The following PCDHA2 variants were observed in gnomAD, a reference collection of about 807,000 sequenced individuals.
The protein encoded by PCDHA2 is protocadherin alpha-2.
Under a neutral mutation model 66.0 loss-of-function variants are expected in PCDHA2, and 58 were observed. The ratio of observed to expected loss-of-function variants is 0.88; its 90% CI spans 0.71 to 1.09. PCDHA2 has a LOEUF of 1.09. Among genes scored for constraint, PCDHA2 ranks in the 50% least tolerant of loss-of-function variants. The pLI is 0.00. For synonymous variants in PCDHA2, 634 were observed against 554.0 expected, an observed-to-expected ratio of 1.14 and a Z score of -2.03; for missense variants, 1,267 against 1,242.3, an observed-to-expected ratio of 1.02 and a Z score of -0.30.
chr5:140,957,879 G>T (rs2095393633), intron 1 of PCDHA2, among the ~76,000 whole-genome samples: 1 of 151,960 alleles, frequency 6.6e-6, no homozygotes, highest in Non-Finnish European at 1.5e-5. Flanking sequence ...GTGCTGAAAA[G>T]CTGAAGTTGG....
chr5:140,937,911 C>CAA lies in PCDHA2; in HGVS notation c.2389-41023_2389-41022dup, dbSNP rs200797202. On this transcript the variant is annotated intron_variant, in intron 1 of 3. Transcript: ENST00000526136. Reference sequence around the variant, plus strand: ...TGGGCGACAGAGTGAGACTCCGTCTCAAAAAAAAAAAAAAAAGTTTAATTT... The same window carrying CAA: ...TGGGCGACAGAGTGAGACTCCGTCTCAAAAAAAAAAAAAAAAAAGTTTAATTT... Among the ~76,000 whole-genome samples, 8 of 117,946 alleles carry CAA rather than the reference C, an allele frequency of 6.8e-5. No individual in the cohort carries two copies. In the East Asian group the frequency reaches 1.1e-3, roughly 17 times the overall value. The allele number at this position is 117,946 out of a possible 152,430, so 77.4% of individuals were successfully genotyped here.
At chr5:140,870,863 G>A in intron 1 of PCDHA2, 1 of 1,613,928 alleles carries the variant, frequency 6.2e-7, no homozygotes, top group Non-Finnish European at 8.5e-7. Flanking sequence ...GTGGGTGCGG[G>A]CCACGTGGTG....
chr5:140,879,100 T>C (rs2057854721), intron 1 of PCDHA2, among the ~76,000 whole-genome samples: 1 of 152,190 alleles, frequency 6.6e-6, no homozygotes, highest in African/African-American at 2.4e-5. Context: ...CTGCACAGTA[T>C]ATGGTGTAAT....
chr5:140,822,505 T>C, intron 1 of PCDHA2: 1 of 1,613,896 alleles, frequency 6.2e-7, no homozygotes, highest in Non-Finnish European at 8.5e-7. Context: ...ATTTGATAAA[T>C]CCATTTATAA....
rs541589842 is a variant in PCDHA2, at chr5:140,964,001, A to G, written c.2389-14948A>G. Reference sequence around the variant, plus strand: ...TCTATATTCCTAATTACTGTGTTCTACTTTTTAATAGAGAGCTCTTGAAGG... The same window carrying G: ...TCTATATTCCTAATTACTGTGTTCTGCTTTTTAATAGAGAGCTCTTGAAGG... On this transcript the variant is annotated intron_variant, in intron 1 of 3. Transcript: ENST00000526136. Among the ~76,000 whole-genome samples the G allele has an allele frequency of 9.2e-5, 14 of 152,286 alleles. No homozygotes were observed. The South Asian group carries it at 2.7e-3, about 29-fold the overall frequency.
intron 1 of PCDHA2, chr5:140,927,658 C>T (rs782350503): frequency 5.0e-6 from 8 of 1,614,094 alleles, no homozygotes; most frequent in Non-Finnish European, 6.8e-6. Context: ...ATTCCGAGTT[C>T]AAGCCTTGGA....
chr5:140,831,736 C>A (rs1771682555), intron 1 of PCDHA2, among the ~76,000 whole-genome samples: 1 of 152,014 alleles, frequency 6.6e-6, no homozygotes. Flanking sequence ...TCCTCCCTTG[C>A]CTAAATTTCA....
intron 1 of PCDHA2, chr5:140,836,797 C>T: frequency 7.4e-7 from 1 of 1,343,980 alleles, no homozygotes; most frequent in Non-Finnish European, 1.0e-6. Context: ...AATTGGTCTC[C>T]TTAAATTTTC....
intron 1 of PCDHA2, among the ~76,000 whole-genome samples, chr5:140,950,482 T>C (rs1384931498): frequency 6.6e-6 from 1 of 152,106 alleles, no homozygotes; most frequent in African/African-American, 2.4e-5. Flanking sequence ...TGATGAGAAG[T>C]GTGTAGTCAT....
At position 140,808,279 on chromosome 5, in the gene PCDHA2, A is replaced by G. The variant is rs782098694; in HGVS notation, c.2388+10927A>G. On this transcript the variant is annotated intron_variant, in intron 1 of 3. Transcript: ENST00000526136. ...CACTTCCAATTAGAGAGGACGCTCC[A>G]CTGGGTACAGTCATCGCCCTGATCA... 3.7e-6 allele frequency: 6 copies of G among 1,614,130 alleles called. No individual in the cohort carries two copies. The South Asian group carries it at 5.5e-5, about 15-fold the overall frequency.
At chr5:140,878,098 A>C in intron 1 of PCDHA2, 1 of 278,310 alleles carries the variant, frequency 3.6e-6, no homozygotes, top group Non-Finnish European at 6.4e-6. Flanking sequence ...TGACTGATGA[A>C]CCTTGAAAAA....
chr5:140,868,478 A>AT (rs1444050987), intron 1 of PCDHA2: 1 of 152,364 alleles, frequency 6.6e-6, no homozygotes, highest in Admixed American at 6.5e-5. Context: ...TAAAACTTCA[A>AT]TTTTTTCTTT....
At chr5:140,967,768 T>C in intron 1 of PCDHA2, 4 of 1,614,182 alleles carry the variant, frequency 2.5e-6, no homozygotes, top group African/African-American at 1.3e-5. Flanking sequence ...ACCAGATCTA[T>C]GTGCAGGCGA....
chr5:140,980,455 C>T (rs1412427414), intron 2 of PCDHA2, among the ~76,000 whole-genome samples: 1 of 152,086 alleles, frequency 6.6e-6, no homozygotes, highest in African/African-American at 2.4e-5. Context: ...CACGGTGAAA[C>T]CCTGTCTCTA....
At chr5:140,819,845 C>T (rs1413889296) in intron 1 of PCDHA2, among the ~76,000 whole-genome samples, 2 of 151,922 alleles carry the variant, frequency 1.3e-5, no homozygotes, top group African/African-American at 2.4e-5. Context: ...GACTTTTTCT[C>T]CATTGAGTAT....
intron 1 of PCDHA2, chr5:140,802,118 CAT>C: frequency 6.2e-7 from 1 of 1,614,190 alleles, no homozygotes; most frequent in East Asian, 2.2e-5. Flanking sequence ...TAAAGGGTAA[CAT>C]AGATTTCGAG....
intron 3 of PCDHA2, among the ~76,000 whole-genome samples, chr5:141,001,942 TAAG>T (rs140166770): frequency 0.017 from 2,515 of 151,936 alleles, 63 homozygotes; most frequent in African/African-American, 0.058. Context: ...TGAGCGGAAA[TAAG>T]GAGGAGGGAG....
chr5:140,830,286 G>A (rs1434180043), intron 1 of PCDHA2: 3 of 1,613,856 alleles, frequency 1.9e-6, no homozygotes, highest in Admixed American at 1.7e-5. Context: ...GAGGGCGCGT[G>A]CACGGCGGAC....
At chr5:141,001,333 T>G (rs1554258097) in intron 3 of PCDHA2, among the ~76,000 whole-genome samples, 1 of 152,178 alleles carries the variant, frequency 6.6e-6, no homozygotes, top group African/African-American at 2.4e-5. Context: ...TCACCATAAT[T>G]TACATGATGT....
Sources: gnomAD v4.1 joint callset for allele counts (sites outside exome capture counted in the v4.1 genomes callset) on GRCh38, gnomAD v4.1.1 for gene constraint, MANE v1.5 for transcripts, NCBI Gene and HGNC (gene_info 2026-07-23, HGNC 2026-07-21) for gene names.